AREL1: variants seen among roughly 807,000 people sequenced by gnomAD.
AREL1 encodes apoptosis resistant E3 ubiquitin protein ligase 1, also known as apoptosis-resistant E3 ubiquitin protein ligase 1.
In AREL1, 62 loss-of-function variants were observed where a neutral mutation model predicts 99.0. The ratio of observed to expected loss-of-function variants is 0.63; its 90% CI spans 0.51 to 0.77. AREL1 has a LOEUF of 0.77. Among genes scored for constraint, AREL1 ranks in the 30% least tolerant of loss-of-function variants. The pLI, the probability that AREL1 is intolerant of heterozygous loss-of-function variation, is 0.00. For synonymous variants in AREL1, 380 were observed against 376.5 expected (o/e 1.01, Z -0.11); for missense variants, 879 against 1,027.6 (o/e 0.86, Z 1.98).
intron 1 of AREL1, chr14:74,712,068 G>GAAAAAAAAAAAAAAAAAA (rs1365570759): frequency 4.9e-5 from 3 of 61,728 alleles, no homozygotes; most frequent in African/African-American, 1.1e-4. Context: ...AAAAAAAAAA[G>GAAAAAAAAAAAAAAAAAA]AAAAAAAAAG....
chr14:74,711,382 T>C (rs1248318299), intron 1 of AREL1, among the ~76,000 whole-genome samples: 2 of 148,202 alleles, frequency 1.3e-5, no homozygotes, highest in African/African-American at 2.5e-5. Context: ...CTATTAAAAA[T>C]ACAAAAATTA....
rs370935586 is a variant in AREL1 at position 74,691,144 on chromosome 14, C to T, written c.-46+897G>A. 27 of 151,936 alleles carry T rather than the reference C, an allele frequency of 1.8e-4. 1 individual carries two copies. The highest frequency in any genetic ancestry group is 1.2e-3 in the East Asian group (6 of 5,204). The allele number at this position is 151,936 out of a possible 1,614,324, so 9.4% of individuals were successfully genotyped here. On this transcript the variant is annotated intron_variant, in intron 2 of 19. Transcript: ENST00000356357. Reference sequence around the variant, plus strand: ...ACCAGCCTGAGCAACATGGCAAAACCCTGTCTCTACAAAAAATACAAAGAA... The same window carrying T: ...ACCAGCCTGAGCAACATGGCAAAACTCTGTCTCTACAAAAAATACAAAGAA...
intron 5 of AREL1, among the ~76,000 whole-genome samples, chr14:74,680,185 GA>G (rs1322112387): frequency 7.8e-5 from 11 of 141,710 alleles, no homozygotes; most frequent in Non-Finnish European, 1.6e-4. Flanking sequence ...AAAAAAAAAA[GA>G]AAAAAAGAAA....
intron 1 of AREL1, chr14:74,698,898 C>T (rs995736608): frequency 1.2e-5 from 2 of 167,742 alleles, no homozygotes; most frequent in African/African-American, 2.4e-5. Flanking sequence ...GTGGTATGCA[C>T]CTATGGTCCC....
chr14:74,711,663 A>T (rs1384604042), intron 1 of AREL1, among the ~76,000 whole-genome samples: 1 of 152,170 alleles, frequency 6.6e-6, no homozygotes, highest in East Asian at 1.9e-4. Flanking sequence ...TCTGGTTTAC[A>T]CTCTTCTAGG....
intron 2 of AREL1, among the ~76,000 whole-genome samples, chr14:74,689,018 T>C (rs1441194583): frequency 6.6e-6 from 1 of 151,198 alleles, no homozygotes; most frequent in Non-Finnish European, 1.5e-5. Flanking sequence ...TTGTATTTTT[T>C]TTTTTTTTTA....
At chr14:74,687,432 C>T (rs376015649) in intron 2 of AREL1, among the ~76,000 whole-genome samples, 1 of 152,256 alleles carries the variant, frequency 6.6e-6, no homozygotes, top group South Asian at 2.1e-4. Flanking sequence ...AAAAGAGTTG[C>T]AATTTAATAA....
chr14:74,674,976 T>G (rs2089438581), intron 8 of AREL1, among the ~76,000 whole-genome samples: 2 of 152,100 alleles, frequency 1.3e-5, no homozygotes, highest in Non-Finnish European at 2.9e-5. Flanking sequence ...AATGCAAAAA[T>G]TTTTTAATCT....
intron 8 of AREL1, among the ~76,000 whole-genome samples, chr14:74,675,436 C>T (rs1189598237): frequency 1.3e-5 from 2 of 152,208 alleles, no homozygotes; most frequent in African/African-American, 2.4e-5. Context: ...TTACTCCAAT[C>T]CTGTAGCCTA....
chr14:74,702,833 G>C (rs1282944208), intron 1 of AREL1, among the ~76,000 whole-genome samples: 2 of 152,170 alleles, frequency 1.3e-5, no homozygotes, highest in Non-Finnish European at 2.9e-5. Flanking sequence ...GGAGCAAAAT[G>C]ATTCCAGTCT....
At chr14:74,708,485 C>CATAT (rs1449871798) in intron 1 of AREL1, among the ~76,000 whole-genome samples, 2 of 152,054 alleles carry the variant, frequency 1.3e-5, no homozygotes, top group Admixed American at 1.3e-4. Context: ...ATAGGTTTAC[C>CATAT]ATATATACCG....
At chr14:74,695,345 G>A (rs1470133862) in intron 1 of AREL1, among the ~76,000 whole-genome samples, 1 of 152,072 alleles carries the variant, frequency 6.6e-6, no homozygotes, top group Non-Finnish European at 1.5e-5. Context: ...TTCCCAAAGT[G>A]CCAGGATTAC....
chr14:74,686,118 C>A (rs954835332), intron 2 of AREL1, among the ~76,000 whole-genome samples: 1 of 151,366 alleles, frequency 6.6e-6, no homozygotes, highest in African/African-American at 2.4e-5. Context: ...TTTTTTAAAG[C>A]AAGTATCATT....
chr14:74,682,783 CCT>C (rs576386068), intron 5 of AREL1, among the ~76,000 whole-genome samples: 29 of 150,176 alleles, frequency 1.9e-4, no homozygotes, highest in South Asian at 1.0e-3. Context: ...GCACCTCCTC[CCT>C]CTCTCTCTCT....
At chr14:74,710,730 T>G (rs17102125) in intron 1 of AREL1, among the ~76,000 whole-genome samples, 10,652 of 152,176 alleles carry the variant, frequency 0.07, 1,097 homozygotes, top group African/African-American at 0.22. Flanking sequence ...AGCTACCATT[T>G]CTACATCAAA....
chr14:74,705,207 T>A (rs1308887651), intron 1 of AREL1, among the ~76,000 whole-genome samples: 1 of 152,082 alleles, frequency 6.6e-6, no homozygotes, highest in Non-Finnish European at 1.5e-5. Context: ...GCCCAGCTAA[T>A]TTTGTATTTT....
At chr14:74,682,235 G>A (rs2089646693) in intron 5 of AREL1, among the ~76,000 whole-genome samples, 4 of 152,156 alleles carry the variant, frequency 2.6e-5, no homozygotes, top group Admixed American at 2.0e-4. Flanking sequence ...TTAAGGACTA[G>A]TCAAGCAAAG....
chr14:74,677,046 G>T (rs920427383), intron 5 of AREL1, among the ~76,000 whole-genome samples: 2 of 151,810 alleles, frequency 1.3e-5, no homozygotes, highest in Non-Finnish European at 2.9e-5. Flanking sequence ...TGATCCGCCC[G>T]CCTTGGCCTC....
At chr14:74,697,874 C>T (rs2090005843) in intron 1 of AREL1, among the ~76,000 whole-genome samples, 1 of 152,124 alleles carries the variant, frequency 6.6e-6, no homozygotes, top group African/African-American at 2.4e-5. Context: ...TAGACTGTAC[C>T]TCATTCTATA....
Sources: allele counts gnomAD v4.1 joint callset (sites outside exome capture counted in the v4.1 genomes callset), GRCh38; gene constraint gnomAD v4.1.1; transcripts MANE v1.5; gene names NCBI Gene and HGNC (gene_info 2026-07-23, HGNC 2026-07-21).